Variants in METAP1D observed in about 807,000 individuals in gnomAD.
METAP1D encodes the protein methionyl aminopeptidase type 1D, mitochondrial, also known as methionine aminopeptidase 1D, mitochondrial.
In METAP1D, 31 loss-of-function variants were observed where a neutral mutation model predicts 40.5. The observed-to-expected ratio is 0.77, with a 90% confidence interval of 0.58 to 1.03. The LOEUF is 1.03. METAP1D is among the 50% of genes least tolerant of loss of function. METAP1D has a pLI of 0.00. For synonymous variants in METAP1D, 151 were observed against 146.4 expected (o/e 1.03, Z -0.22); for missense variants, 411 against 420.7 (o/e 0.98, Z 0.20).
intron 1 of METAP1D, among the ~76,000 whole-genome samples, chr2:172,040,805 G>T (rs1174499522): frequency 1.5e-5 from 2 of 136,828 alleles, no homozygotes; most frequent in African/African-American, 5.6e-5. Flanking sequence ...AGAGTGCAGT[G>T]GCACAACCTC....
At chr2:172,065,432 G>A (rs935505638) in intron 3 of METAP1D, among the ~76,000 whole-genome samples, 172 bp from the exon 4 acceptor site, 1 of 152,136 alleles carries the variant, frequency 6.6e-6, no homozygotes, top group African/African-American at 2.4e-5. Flanking sequence ...TTGTCCACAA[G>A]GCACAGTTGA....
chr2:172,014,034 G>A (rs1688791880), intron 1 of METAP1D, among the ~76,000 whole-genome samples: 1 of 151,826 alleles, frequency 6.6e-6, no homozygotes, highest in Non-Finnish European at 1.5e-5. Flanking sequence ...TATTGGCCAG[G>A]CTGATCTCGA....
chr2:172,057,242 C>T (rs908893758), intron 1 of METAP1D, among the ~76,000 whole-genome samples: 1 of 152,192 alleles, frequency 6.6e-6, no homozygotes, highest in Non-Finnish European at 1.5e-5. Flanking sequence ...GAGCACCTAG[C>T]ACTGAGCTTA....
chr2:172,060,416 CAAAAAAAA>C (rs757713609), intron 1 of METAP1D, among the ~76,000 whole-genome samples: 1 of 60,770 alleles, frequency 1.6e-5, no homozygotes, highest in Middle Eastern at 0.011. Context: ...GACCCTGTCT[CAAAAAAAA>C]AAAAAAAAAA....
Position 172,017,335 on chromosome 2 carries a change from A to G in METAP1D, c.40+17326A>G, listed in dbSNP as rs902016049. 4.7e-4 allele frequency among the ~76,000 whole-genome samples: 70 copies of G among 150,278 alleles called. 1 individual carries two copies. Among genetic ancestry groups the G allele is most frequent in the Non-Finnish European group, 4.1e-4 (28 of 67,702 alleles). On this transcript the variant is annotated intron_variant, in intron 1 of 9. Coordinates refer to ENST00000315796, the MANE Select transcript of METAP1D (RefSeq NM_199227.3). ...GAACAAGACAGACATATATATGTGT[A>G]TATATATGTGTATATATAGGTATAT... is the stretch of plus-strand genomic sequence containing the variant.
chr2:172,069,870 C>G (rs1017347593), intron 5 of METAP1D, among the ~76,000 whole-genome samples: 6 of 152,126 alleles, frequency 3.9e-5, no homozygotes, highest in African/African-American at 1.4e-4. Context: ...TTGCTTCCTT[C>G]ACAGAATATG....
rs1478269861 is a variant in METAP1D at position 172,070,915 on chromosome 2, C to G, written c.549C>G (p.Tyr183Ter). Residue 183 changes from tyrosine (Y) to a stop codon, truncating the protein, a stop_gained, in exon 6 of 10, where the codon TAC becomes TAG. Transcript: ENST00000315796. LOFTEE classifies it high-confidence loss of function. ...DIINIDVTVYYNGYHGDTSET... is the reference protein window; with the variant it reads ...DIINIDVTVY ...TTTCTGCTTATGTTTAGGTCTATTA[C>G]AATGGCTACCATGGAGACACCTCTG... 3 of 1,607,650 alleles carry G rather than the reference C, an allele frequency of 1.9e-6. No individual in the cohort carries two copies. In the South Asian group the frequency reaches 3.3e-5, roughly 18 times the overall value.
chr2:172,064,904 T>A (rs1690215055), intron 3 of METAP1D, among the ~76,000 whole-genome samples: 1 of 152,212 alleles, frequency 6.6e-6, no homozygotes, highest in African/African-American at 2.4e-5. Context: ...GAATTTTATT[T>A]ATGTTTATGG....
chr2:172,057,027 C>G (rs751865365), intron 1 of METAP1D, among the ~76,000 whole-genome samples: 1 of 152,202 alleles, frequency 6.6e-6, no homozygotes, highest in Non-Finnish European at 1.5e-5. Flanking sequence ...ACAAAACACA[C>G]TAGCGAATAG....
At chr2:172,023,140 A>G (rs1476539123) in intron 1 of METAP1D, among the ~76,000 whole-genome samples, 1 of 152,232 alleles carries the variant, frequency 6.6e-6, no homozygotes, top group African/African-American at 2.4e-5. Context: ...GTGAGCCGAG[A>G]TCATGCCACT....
chr2:172,071,184 G>C (rs1690415062), intron 6 of METAP1D, 114 bp downstream of exon 6: 1 of 898,714 alleles, frequency 1.1e-6, no homozygotes, highest in Admixed American at 4.1e-5. Flanking sequence ...ATTTCAGTCT[G>C]ATATCAGTAT....
At chr2:172,030,078 T>TTTA (rs553826009) in intron 1 of METAP1D, among the ~76,000 whole-genome samples, 19 of 149,960 alleles carry the variant, frequency 1.3e-4, no homozygotes, top group Admixed American at 4.7e-4. Flanking sequence ...TTTTATTTTA[T>TTTA]TTTATTTATT....
At chr2:172,077,989 A>T in intron 7 of METAP1D, 95 bp downstream of exon 7, 3 of 482,124 alleles carry the variant, frequency 6.2e-6, no homozygotes, top group East Asian at 5.4e-5. Flanking sequence ...AATCTGCATT[A>T]TCAACCTTGT....
chr2:172,049,071 G>A (rs1027814142), intron 1 of METAP1D, among the ~76,000 whole-genome samples: 6 of 152,138 alleles, frequency 3.9e-5, no homozygotes, highest in African/African-American at 1.4e-4. Flanking sequence ...TGCAACCTCT[G>A]CCTCCTGGGC....
intron 1 of METAP1D, among the ~76,000 whole-genome samples, chr2:172,022,237 C>A (rs979516938): frequency 2.6e-5 from 4 of 152,134 alleles, no homozygotes; most frequent in African/African-American, 9.7e-5. Flanking sequence ...GTCGCCGGAT[C>A]CCCAAGGGAG....
intron 1 of METAP1D, among the ~76,000 whole-genome samples, chr2:172,059,038 C>G (rs1690065373): frequency 6.6e-6 from 1 of 152,124 alleles, no homozygotes; most frequent in African/African-American, 2.4e-5. Context: ...CCGCCTCCAT[C>G]ACCAGTTTCT....
chr2:172,051,334 G>C (rs1559012347), intron 1 of METAP1D, among the ~76,000 whole-genome samples: 1 of 152,266 alleles, frequency 6.6e-6, no homozygotes, highest in East Asian at 1.9e-4. Context: ...TGTGTTTCTA[G>C]AGTAGGTTGA....
At chr2:172,028,074 C>G (rs2105407621) in intron 1 of METAP1D, among the ~76,000 whole-genome samples, 1 of 152,228 alleles carries the variant, frequency 6.6e-6, no homozygotes, top group East Asian at 1.9e-4. Flanking sequence ...ACAATAGACG[C>G]AATTAGACAA....
chr2:172,014,781 T>C (rs545188654), intron 1 of METAP1D, among the ~76,000 whole-genome samples: 1 of 152,072 alleles, frequency 6.6e-6, no homozygotes, highest in East Asian at 1.9e-4. Context: ...GCCTCCCGAG[T>C]AGCTGGGACT....
Sources: allele counts gnomAD v4.1 joint callset (sites outside exome capture counted in the v4.1 genomes callset), GRCh38; gene constraint gnomAD v4.1.1; transcripts MANE v1.5; gene names NCBI Gene and HGNC (gene_info 2026-07-23, HGNC 2026-07-21).